SLC4A5: variants seen among roughly 807,000 people sequenced by gnomAD.
The protein encoded by SLC4A5 is solute carrier family 4 member 5.
Under a neutral mutation model 120.4 loss-of-function variants are expected in SLC4A5, and 96 were observed. The observed-to-expected ratio is 0.80, with a 90% CI of 0.68 to 0.94. The LOEUF is 0.94. Ranked by LOEUF, SLC4A5 falls within the 40% of genes least tolerant of loss-of-function variation. The probability of loss-of-function intolerance (pLI) is 0.00; values close to 1 mark genes in which losing one functional copy is unlikely to be tolerated. For synonymous variants in SLC4A5, 550 were observed against 571.1 expected, an observed-to-expected ratio of 0.96 and a Z score of 0.53; for missense variants, 1,259 against 1,459.5, an observed-to-expected ratio of 0.86 and a Z score of 2.24.
At chr2:74,295,992 C>T (rs1326793536) in intron 7 of SLC4A5, among the ~76,000 whole-genome samples, 1 of 152,152 alleles carries the variant, frequency 6.6e-6, no homozygotes. Context: ...TTTAGTTAAC[C>T]ACATCGAATA....
chr2:74,243,080 A>T (rs1670497301), intron 19 of SLC4A5, among the ~76,000 whole-genome samples: 1 of 152,252 alleles, frequency 6.6e-6, no homozygotes, highest in African/African-American at 2.4e-5. Flanking sequence ...CAGAATCGGG[A>T]ACCCAAAGGT....
chr2:74,290,626 A>T (rs1558897765), intron 7 of SLC4A5: 1 of 779,138 alleles, frequency 1.3e-6, no homozygotes, highest in Non-Finnish European at 1.6e-6. Context: ...GAGAAGTGAG[A>T]GAGAGAGAGA....
chr2:74,330,413 T>C (rs181995071), intron 4 of SLC4A5, among the ~76,000 whole-genome samples: 1 of 145,902 alleles, frequency 6.9e-6, no homozygotes, highest in African/African-American at 2.6e-5. Flanking sequence ...GAGGTGTAGA[T>C]GGTGGTGGTG....
At chr2:74,250,432 T>C in exon 17 of SLC4A5, 1 of 1,614,074 alleles carries the variant, frequency 6.2e-7, no homozygotes, top group Non-Finnish European at 8.5e-7. Context: ...ATGGCAGAGA[T>C]GGACTGAATG....
In SLC4A5 at chr2:74,242,121, T is replaced by C. The variant is rs891643797; in HGVS notation, c.2060-69A>G. The C allele has an allele frequency of 9.1e-6, 13 of 1,424,750 alleles. No homozygotes were observed. In the African/African-American group the frequency reaches 1.1e-4, roughly 12 times the overall value. The allele number at this position is 1,424,750 out of a possible 1,614,324, so 88.3% of individuals were successfully genotyped here. On this transcript the variant is annotated intron_variant, in intron 19 of 30. Coordinates refer to ENST00000394019, the Ensembl canonical transcript of SLC4A5. ...GGCTGGGAGCTGCATTCCCAACCCC[T>C]TCCCATCTCCTTCCAGTTCCTTAGA... is the stretch of plus-strand genomic sequence containing the variant.
intron 5 of SLC4A5, among the ~76,000 whole-genome samples, chr2:74,327,586 G>A (rs762614059): frequency 2.6e-5 from 4 of 152,070 alleles, no homozygotes; most frequent in African/African-American, 9.7e-5. Flanking sequence ...ACCAGGTACC[G>A]TATCCAAAAC....
Position 74,334,517 on chromosome 2 carries a change from C to T in SLC4A5, c.-220-340G>A, listed in dbSNP as rs553516703. Among the ~76,000 whole-genome samples, 10 of 152,356 alleles carry T rather than the reference C, an allele frequency of 6.6e-5. No homozygotes were observed. The South Asian group carries it at 2.1e-3, about 32-fold the overall frequency. ...TGACCAGCCCATCTAAAATGCCCCT[C>T]TCTGGTCATTAACTCTGCTTTATTT... is the stretch of plus-strand genomic sequence containing the variant. On this transcript the variant is annotated intron_variant, in intron 3 of 30. Transcript: ENST00000394019.
intron 5 of SLC4A5, among the ~76,000 whole-genome samples, chr2:74,315,414 G>A (rs1460122877): frequency 6.7e-6 from 1 of 148,754 alleles, no homozygotes; most frequent in East Asian, 2.0e-4. Flanking sequence ...CATACCAGCC[G>A]GGGGAACAGA....
chr2:74,231,162 A>AC, intron 25 of SLC4A5, 74 bp downstream of exon 25: 2 of 1,413,192 alleles, frequency 1.4e-6, no homozygotes, highest in Admixed American at 1.9e-5. Flanking sequence ...CCATGTGGGG[A>AC]CCCCCTCCCT....
intron 7 of SLC4A5, among the ~76,000 whole-genome samples, chr2:74,300,022 A>C (rs938789228): frequency 1.2e-4 from 19 of 152,364 alleles, no homozygotes; most frequent in African/African-American, 4.6e-4. Flanking sequence ...AAATATATAC[A>C]ATGGAATATT....
chr2:74,278,451 C>G (rs969894701), intron 8 of SLC4A5, among the ~76,000 whole-genome samples: 2 of 152,162 alleles, frequency 1.3e-5, no homozygotes, highest in Non-Finnish European at 2.9e-5. Context: ...CTTTGAAGGT[C>G]TCTTTTGCAG....
rs532357936 is a variant in SLC4A5 at position 74,270,500 on chromosome 2, T to C, written c.402-5236A>G. On this transcript the variant is annotated intron_variant, in intron 8 of 30. Coordinates refer to ENST00000394019, the Ensembl canonical transcript of SLC4A5. ...CATCCTGGCTAACATGGTGAAACCC[T>C]GTCTCTACTAAAAATACAAAAAATT... Among the ~76,000 whole-genome samples the C allele has an allele frequency of 3.8e-4, 58 of 152,182 alleles. No individual in the cohort carries two copies. The East Asian group carries it at 9.8e-3, about 26-fold the overall frequency.
intron 3 of SLC4A5, among the ~76,000 whole-genome samples, chr2:74,337,124 G>C (rs139136911): frequency 6.6e-6 from 1 of 152,322 alleles, no homozygotes; most frequent in East Asian, 1.9e-4. Context: ...TGGAGGCTGA[G>C]GTCCCAATCC....
At chr2:74,252,974 C>G in exon 15 of SLC4A5, 1 of 1,614,132 alleles carries the variant, frequency 6.2e-7, no homozygotes, top group Non-Finnish European at 8.5e-7. Flanking sequence ...TCATACACAC[C>G]TCTTGTCAGC....
chr2:74,270,448 C>T (rs992621992), intron 8 of SLC4A5, among the ~76,000 whole-genome samples: 11 of 152,048 alleles, frequency 7.2e-5, no homozygotes, highest in South Asian at 2.1e-4. Flanking sequence ...CAGAGGCAGG[C>T]GGATCACGAG....
chr2:74,338,310 T>C (rs1030776752), intron 3 of SLC4A5, among the ~76,000 whole-genome samples: 21 of 152,194 alleles, frequency 1.4e-4, no homozygotes, highest in African/African-American at 4.8e-4. Context: ...TTGAATCTTG[T>C]AACTGTGTTA....
At chr2:74,239,439 A>T (rs1670367225) in exon 21 of SLC4A5, 2 of 1,614,086 alleles carry the variant, frequency 1.2e-6, no homozygotes, top group Non-Finnish European at 1.7e-6. Flanking sequence ...TCTGGGATAA[A>T]CTTGCAGGAA....
At chr2:74,235,591 G>A (rs1670243309) in intron 21 of SLC4A5, among the ~76,000 whole-genome samples, 1 of 152,212 alleles carries the variant, frequency 6.6e-6, no homozygotes, top group Admixed American at 6.5e-5. Context: ...GGGGCACCCA[G>A]CAGGTATGAT....
chr2:74,317,922 C>T (rs1445685817), intron 5 of SLC4A5, among the ~76,000 whole-genome samples: 2 of 152,110 alleles, frequency 1.3e-5, no homozygotes, highest in African/African-American at 4.8e-5. Flanking sequence ...GAACAGCCAG[C>T]CAAGAATCAC....
Sources: gnomAD v4.1 joint callset for allele counts (sites outside exome capture counted in the v4.1 genomes callset) on GRCh38, gnomAD v4.1.1 for gene constraint, MANE v1.5 for transcripts, NCBI Gene and HGNC (gene_info 2026-07-23, HGNC 2026-07-21) for gene names.